The following CEP112 variants were observed in gnomAD, a reference collection of about 807,000 sequenced individuals.
CEP112 encodes the protein centrosomal protein 112.
In CEP112, 127 loss-of-function variants were observed where a neutral mutation model predicts 153.0. That is an observed-to-expected ratio of 0.83 (90% confidence interval 0.72 to 0.96). CEP112 has a LOEUF of 0.96. Among genes scored for constraint, CEP112 ranks in the 40% least tolerant of loss-of-function variants. CEP112 has a pLI of 0.00. For missense variants in CEP112, 1,089 were observed against 1,101.2 expected (o/e 0.99, Z 0.16); for synonymous variants, 358 against 374.4 (o/e 0.96, Z 0.51).
intron 23 of CEP112, among the ~76,000 whole-genome samples, chr17:65,713,109 T>C (rs1464830157): frequency 6.6e-6 from 1 of 152,212 alleles, no homozygotes; most frequent in Non-Finnish European, 1.5e-5. Context: ...TCCATTGCTG[T>C]GCTTTACAGA....
intron 20 of CEP112, among the ~76,000 whole-genome samples, chr17:65,865,836 C>T (rs1598821303): frequency 1.3e-5 from 2 of 152,194 alleles, no homozygotes; most frequent in South Asian, 2.1e-4. Context: ...GGTCCGGCCG[C>T]GTCACCTGAC....
rs185624356 is a variant in CEP112, at chr17:65,694,895, G to T, written c.2608-5677C>A. ...CTGAGAAAAGCCCAAGATAATTAAA[G>T]AACAGAATGTCCAACACTGGGTCAA... On this transcript the variant is annotated intron_variant, in intron 23 of 26. Coordinates refer to ENST00000535342, the MANE Select transcript of CEP112 (RefSeq NM_001199165.4). Among the ~76,000 whole-genome samples, 90 of 152,278 alleles carry T rather than the reference G, an allele frequency of 5.9e-4. 1 individual carries two copies. Among genetic ancestry groups the T allele is most frequent in the African/African-American group, 2.1e-3 (88 of 41,546 alleles).
Position 65,944,444 on chromosome 17 carries a change from A to G in CEP112, c.1873-16755T>C, listed in dbSNP as rs538327211. 2.0e-5 allele frequency among the ~76,000 whole-genome samples: 3 copies of G among 152,364 alleles called. No homozygotes were observed. In the Middle Eastern group the frequency reaches 0.01, roughly 518 times the overall value. On this transcript the variant is annotated intron_variant, in intron 18 of 26. Coordinates refer to ENST00000535342, the MANE Select transcript of CEP112 (RefSeq NM_001199165.4). ...TAATCAGCTTTCATATATCTTAAGA[A>G]TCATATTTCTTTATTAATAAAAGAA...
chr17:66,063,477 T>C (rs1456166891), intron 10 of CEP112, among the ~76,000 whole-genome samples: 2 of 151,964 alleles, frequency 1.3e-5, no homozygotes, highest in African/African-American at 2.4e-5. Flanking sequence ...AATGGTATAA[T>C]GGACTTTGGA....
At chr17:65,814,458 T>C (rs2056155909) in intron 21 of CEP112, among the ~76,000 whole-genome samples, 1 of 152,212 alleles carries the variant, frequency 6.6e-6, no homozygotes, top group Non-Finnish European at 1.5e-5. Flanking sequence ...ATTCAAACGA[T>C]TTAAGCATCC....
intron 17 of CEP112, among the ~76,000 whole-genome samples, chr17:65,987,691 T>C (rs566998882): frequency 5.1e-4 from 78 of 152,142 alleles, no homozygotes; most frequent in African/African-American, 1.8e-3. Context: ...AACTCAAATA[T>C]GAGAATGAGG....
intron 4 of CEP112, among the ~76,000 whole-genome samples, chr17:66,154,117 T>A (rs1466587789): frequency 4.0e-5 from 6 of 151,748 alleles, no homozygotes; most frequent in Non-Finnish European, 7.4e-5. Flanking sequence ...AGGTGGAGGT[T>A]GCAGTGAGCC....
intron 4 of CEP112, among the ~76,000 whole-genome samples, chr17:66,158,416 T>C (rs2071539859): frequency 3.9e-5 from 6 of 151,992 alleles, no homozygotes; most frequent in Admixed American, 3.9e-4. Context: ...ATCGAGATCA[T>C]CCTGGCTAAC....
chr17:65,997,089 T>C (rs1449475430), intron 17 of CEP112, among the ~76,000 whole-genome samples: 2 of 152,246 alleles, frequency 1.3e-5, no homozygotes, highest in Non-Finnish European at 1.5e-5. Context: ...TGTGCACCTG[T>C]AGTCCCAGCT....
intron 17 of CEP112, among the ~76,000 whole-genome samples, chr17:65,995,289 A>G (rs2063744280): frequency 6.6e-6 from 1 of 152,136 alleles, no homozygotes; most frequent in Admixed American, 6.5e-5. Flanking sequence ...ATCTTCAAAG[A>G]TTAAAACTTC....
intron 8 of CEP112, among the ~76,000 whole-genome samples, chr17:66,077,120 G>T (rs905196431): frequency 2.0e-5 from 3 of 152,102 alleles, no homozygotes; most frequent in Admixed American, 6.6e-5. Flanking sequence ...AATCAACTCT[G>T]ATAATATGAC....
At chr17:66,065,726 T>C (rs1419200712) in intron 10 of CEP112, among the ~76,000 whole-genome samples, 1 of 151,164 alleles carries the variant, frequency 6.6e-6, no homozygotes, top group African/African-American at 2.4e-5. Flanking sequence ...ACCTCCCAGG[T>C]TCATGCCATT....
intron 6 of CEP112, among the ~76,000 whole-genome samples, chr17:66,104,253 A>G (rs2068687361): frequency 6.6e-6 from 1 of 152,170 alleles, no homozygotes; most frequent in South Asian, 2.1e-4. Flanking sequence ...GGATGAGTAA[A>G]AAGAATTTTG....
At chr17:65,955,323 C>T (rs997973176) in intron 18 of CEP112, among the ~76,000 whole-genome samples, 1 of 152,104 alleles carries the variant, frequency 6.6e-6, no homozygotes, top group African/African-American at 2.4e-5. Flanking sequence ...GGAGAGAATT[C>T]GCCAATACAA....
intron 16 of CEP112, among the ~76,000 whole-genome samples, chr17:66,020,860 G>T (rs1023194499): frequency 6.6e-6 from 1 of 152,086 alleles, no homozygotes; most frequent in Non-Finnish European, 1.5e-5. Flanking sequence ...CCTTTCCAAC[G>T]TGCCTCATCT....
chr17:66,099,042 C>T (rs1341165935), intron 6 of CEP112, among the ~76,000 whole-genome samples: 5 of 152,086 alleles, frequency 3.3e-5, no homozygotes. Flanking sequence ...GGGCACAAAA[C>T]AAGGGGCTTG....
intron 24 of CEP112, among the ~76,000 whole-genome samples, chr17:65,663,323 G>C (rs1422643435): frequency 6.6e-6 from 1 of 152,064 alleles, no homozygotes; most frequent in Non-Finnish European, 1.5e-5. Context: ...TGTAAACTTA[G>C]GTTAATATAT....
rs1252367876 is a variant in CEP112, at chr17:65,997,799, C to CA, written c.1736+7890_1736+7891insT. ...ACACACACCCTAAACATCCCCCCCC[C>CA]CACACACACACACAATCTTTTTTCT... On this transcript the variant is annotated intron_variant, in intron 17 of 26. Transcript: ENST00000535342. 5.1e-3 allele frequency among the ~76,000 whole-genome samples: 732 copies of CA among 143,806 alleles called. 9 individuals carry two copies. Among genetic ancestry groups the CA allele is most frequent in the African/African-American group, 0.017 (680 of 39,438 alleles). 94.3% of individuals were successfully genotyped at this position (143,806 alleles called of 152,430 possible).
chr17:66,101,000 G>A (rs909412053), intron 6 of CEP112, among the ~76,000 whole-genome samples: 1 of 152,016 alleles, frequency 6.6e-6, no homozygotes, highest in Admixed American at 6.6e-5. Context: ...AGGATGTTCT[G>A]GAATGAATCA....
Sources: gnomAD v4.1 joint callset for allele counts (sites outside exome capture counted in the v4.1 genomes callset) on GRCh38, gnomAD v4.1.1 for gene constraint, MANE v1.5 for transcripts, NCBI Gene and HGNC (gene_info 2026-07-23, HGNC 2026-07-21) for gene names.